PRKN: variants seen among roughly 807,000 people sequenced by gnomAD.
The protein encoded by PRKN is parkin RBR E3 ubiquitin protein ligase, also known as E3 ubiquitin-protein ligase parkin.
In PRKN, 56 loss-of-function variants were observed where a neutral mutation model predicts 59.5. The ratio of observed to expected loss-of-function variants is 0.94; its 90% CI spans 0.76 to 1.18. The LOEUF is 1.18. Among genes scored for constraint, PRKN ranks in the 50% most tolerant of loss-of-function variants. The pLI, the probability that PRKN is intolerant of heterozygous loss-of-function variation, is 0.00. For synonymous variants in PRKN, 250 were observed against 222.1 expected (o/e 1.13, Z -1.12); for missense variants, 657 against 596.4 (o/e 1.10, Z -1.06).
chr6:161,979,559 C>T (rs1781183446), intron 5 of PRKN, among the ~76,000 whole-genome samples: 2 of 152,204 alleles, frequency 1.3e-5, no homozygotes, highest in African/African-American at 4.8e-5. Flanking sequence ...CAGGCAAGAG[C>T]CACTGCGCCC....
At chr6:162,124,424 C>T (rs1333254488) in intron 4 of PRKN, among the ~76,000 whole-genome samples, 1 of 152,170 alleles carries the variant, frequency 6.6e-6, no homozygotes, top group South Asian at 2.1e-4. Flanking sequence ...GAGTTCACTA[C>T]ACTACATTAA....
At chr6:162,489,076 A>ACCCTTCCT (rs1792686871) in intron 1 of PRKN, among the ~76,000 whole-genome samples, 1 of 99,418 alleles carries the variant, frequency 1.0e-5, no homozygotes, top group Admixed American at 9.8e-5. Flanking sequence ...GAAGGAGCTC[A>ACCCTTCCT]CCCTTCCTTC....
intron 9 of PRKN, among the ~76,000 whole-genome samples, chr6:161,539,015 G>A (rs1779524429): frequency 6.6e-6 from 1 of 152,150 alleles, no homozygotes; most frequent in East Asian, 1.9e-4. Context: ...ATGCCATGAG[G>A]CTAACATGCG....
chr6:162,022,867 T>A (rs1490646609), intron 5 of PRKN, among the ~76,000 whole-genome samples: 1 of 152,208 alleles, frequency 6.6e-6, no homozygotes, highest in African/African-American at 2.4e-5. Context: ...GTTTCACTTA[T>A]CTGCATATGC....
chr6:162,282,688 C>A (rs4709589), intron 2 of PRKN, among the ~76,000 whole-genome samples: 1 of 152,000 alleles, frequency 6.6e-6, no homozygotes, highest in African/African-American at 2.4e-5. Flanking sequence ...GAAAAGAAGG[C>A]GGTCTATTTT....
chr6:162,405,972 A>ACAAG (rs961042533), intron 2 of PRKN, among the ~76,000 whole-genome samples: 12 of 152,186 alleles, frequency 7.9e-5, no homozygotes, highest in African/African-American at 2.9e-4. Flanking sequence ...GATGGCAACA[A>ACAAG]CAAGCAAGCA....
chr6:161,694,150 C>G lies in PRKN; in HGVS notation c.871+91622G>C, dbSNP rs1259353100. On this transcript the variant is annotated intron_variant, in intron 7 of 11. Coordinates refer to ENST00000366898, the MANE Select transcript of PRKN (RefSeq NM_004562.3). Reference sequence around the variant, plus strand: ...TTTAACAACAACACAACAAAGGTTACAGAGAACTTTTGATATCCTTCATTT... The same window carrying G: ...TTTAACAACAACACAACAAAGGTTAGAGAGAACTTTTGATATCCTTCATTT... Among the ~76,000 whole-genome samples, 4 of 152,286 alleles carry G rather than the reference C, an allele frequency of 2.6e-5. No individual in the cohort carries two copies. The East Asian group carries it at 5.8e-4, about 22-fold the overall frequency.
rs1785723521 is a variant in PRKN, at chr6:161,376,777, C to G, written c.1167+10017G>C. 6.6e-6 allele frequency among the ~76,000 whole-genome samples: 1 copy of G among 152,212 alleles called. No individual in the cohort carries two copies. Reference sequence around the variant, plus strand: ...CAGTGGGACTCCACCTCTGCCCAACCCTGCTTCCTTCTCTTCCTGAAGGTG... The same window carrying G: ...CAGTGGGACTCCACCTCTGCCCAACGCTGCTTCCTTCTCTTCCTGAAGGTG... On this transcript the variant is annotated intron_variant, in intron 10 of 11. Transcript: ENST00000366898. The surrounding 1 kb of genome is among the most constrained non-coding windows in gnomAD (Gnocchi z 7.3).
rs115879463 is a variant in PRKN at position 161,769,647 on chromosome 6, T to C, written c.871+16125A>G. Among the ~76,000 whole-genome samples the C allele has an allele frequency of 3.5e-3, 534 of 152,306 alleles. 3 individuals are homozygous for C. The highest frequency in any genetic ancestry group is 0.012 in the African/African-American group (507 of 41,574). On this transcript the variant is annotated intron_variant, in intron 7 of 11. Coordinates refer to ENST00000366898, the MANE Select transcript of PRKN (RefSeq NM_004562.3). ...ATGACTAAGGCCTAGCTTAAGGATC[T>C]TAGGGGTGTGTGCTATTTCTGGGCT...
At position 161,353,919 on chromosome 6, in the gene PRKN, A is replaced by AC. The variant is rs1784655210; in HGVS notation, c.1286-3709dup. On this transcript the variant is annotated intron_variant, in intron 11 of 11. Transcript: ENST00000366898. This position sits in a 1 kb window ranked among gnomAD's most constrained non-coding sequence, Gnocchi z 4.8. ...TTGCTTGCTTGGTGCGTGGGGAAAA[A>AC]CCCCCGCACATTCCGTCACAGAAGT... Among the ~76,000 whole-genome samples the AC allele has an allele frequency of 6.6e-6, 1 of 151,480 alleles. No homozygotes were observed. Among genetic ancestry groups the AC allele is most frequent in the Non-Finnish European group, 1.5e-5 (1 of 67,908 alleles).
chr6:162,453,041 C>T (rs1474347038), intron 1 of PRKN, among the ~76,000 whole-genome samples: 1 of 152,142 alleles, frequency 6.6e-6, no homozygotes, highest in Admixed American at 6.5e-5. Context: ...AAAGGTGGAT[C>T]GCAAGGCTCA....
chr6:161,905,057 C>T (rs769168284), intron 6 of PRKN, among the ~76,000 whole-genome samples: 14 of 152,154 alleles, frequency 9.2e-5, no homozygotes, highest in Non-Finnish European at 1.6e-4. Context: ...CTTGAATATC[C>T]ACCACGTAAA....
chr6:162,587,879 T>C (rs187251174), intron 1 of PRKN, among the ~76,000 whole-genome samples: 1 of 152,242 alleles, frequency 6.6e-6, no homozygotes, highest in East Asian at 1.9e-4. Flanking sequence ...GAAAAATGTA[T>C]CTATGTTGCA....
rs1362383963 is a variant in PRKN, at chr6:161,473,087, G to T, written c.1083+75767C>A. 2.0e-5 allele frequency among the ~76,000 whole-genome samples: 3 copies of T among 151,926 alleles called. No homozygotes were observed. Among genetic ancestry groups the T allele is most frequent in the Non-Finnish European group, 4.4e-5 (3 of 67,998 alleles). ...AGCCTTTATGGAAAACAGTACGAAG[G>T]TTCCTTAAAAAATAAAAAAATAGAA... On this transcript the variant is annotated intron_variant, in intron 9 of 11. Transcript: ENST00000366898. The surrounding 1 kb of genome is among the most constrained non-coding windows in gnomAD (Gnocchi z 4.1).
At chr6:161,922,399 C>A (rs1583350307) in intron 6 of PRKN, among the ~76,000 whole-genome samples, 1 of 152,186 alleles carries the variant, frequency 6.6e-6, no homozygotes, top group Non-Finnish European at 1.5e-5. Context: ...GGATGTCTAT[C>A]ATTTCTCACA....
rs149140008 is a variant in PRKN, at chr6:162,311,809, T to C, written c.172-49044A>G. 1.7e-3 allele frequency among the ~76,000 whole-genome samples: 257 copies of C among 152,132 alleles called. 2 individuals carry two copies. The East Asian group carries it at 0.022, about 13-fold the overall frequency. ...CTGGTCATAGGGCATAGTACATCTC[T>C]CTCCATTTATTTTCTATTCTTTGAG... On this transcript the variant is annotated intron_variant, in intron 2 of 11. Coordinates refer to ENST00000366898, the MANE Select transcript of PRKN (RefSeq NM_004562.3).
At chr6:161,438,328 C>T (rs773361929) in intron 9 of PRKN, among the ~76,000 whole-genome samples, 33 of 150,620 alleles carry the variant, frequency 2.2e-4, no homozygotes, top group Non-Finnish European at 4.3e-4. Context: ...AGTGATTCTC[C>T]TGCCTCAGCC....
chr6:162,287,734 T>C (rs1051031781), intron 2 of PRKN, among the ~76,000 whole-genome samples: 17 of 152,192 alleles, frequency 1.1e-4, no homozygotes, highest in Non-Finnish European at 2.1e-4. Flanking sequence ...GAGGGTTACA[T>C]TGATAACAAA....
intron 1 of PRKN, among the ~76,000 whole-genome samples, chr6:162,702,734 AG>A (rs1416552275): frequency 6.6e-6 from 1 of 152,212 alleles, no homozygotes; most frequent in Non-Finnish European, 1.5e-5. Flanking sequence ...CCTACTTCTC[AG>A]GATTGATGAA....
Sources: gnomAD v4.1 joint callset for allele counts (sites outside exome capture counted in the v4.1 genomes callset) on GRCh38, gnomAD v4.1.1 for gene constraint, Gnocchi (gnomAD v3.1) non-coding constraint, MANE v1.5 for transcripts, NCBI Gene and HGNC (gene_info 2026-07-23, HGNC 2026-07-21) for gene names.